Variants in TRMT13 observed in about 807,000 individuals in gnomAD.
TRMT13 encodes the protein tRNA methyltransferase 13, also known as tRNA:m(4)X modification enzyme TRM13 homolog.
TRMT13 carries 45 observed loss-of-function variants against 55.9 expected under a neutral mutation model. That is an observed-to-expected ratio of 0.80 (90% CI 0.63 to 1.03). TRMT13 has a LOEUF of 1.03. Ranked by LOEUF, TRMT13 falls within the 50% of genes least tolerant of loss-of-function variation. The pLI, the probability that TRMT13 is intolerant of heterozygous loss-of-function variation, is 0.00. For synonymous variants in TRMT13, 183 were observed against 196.3 expected (o/e 0.93, Z 0.57); for missense variants, 513 against 563.9 (o/e 0.91, Z 0.91).
chr1:100,147,956 C>T lies in TRMT13; in HGVS notation c.880C>T (p.Pro294Ser), dbSNP rs750739112. Reference protein sequence around the residue: ...AASFEERNEEPLAKRIKNDKT... With the variant: ...AASFEERNEESLAKRIKNDKT... Reference sequence around the variant, plus strand: ...CAGTTTTGAGGAAAGGAATGAAGAACCTTTAGCCAAACGCATAAAGAATGA... The same window carrying T: ...CAGTTTTGAGGAAAGGAATGAAGAATCTTTAGCCAAACGCATAAAGAATGA... The change falls in exon 10 of 11, where the codon CCT becomes TCT. Residue 294 changes from proline (P) to serine (S), a missense_variant. Transcript: ENST00000370141. The T allele has an allele frequency of 1.1e-5, 17 of 1,613,564 alleles. No individual in the cohort carries two copies. The highest frequency in any genetic ancestry group is 1.4e-5 in the Non-Finnish European group (16 of 1,179,926).
intron 9 of TRMT13, 76 bp from the exon 10 acceptor site, chr1:100,147,818 A>T: frequency 7.3e-7 from 1 of 1,376,728 alleles, no homozygotes; most frequent in Non-Finnish European, 9.7e-7. Flanking sequence ...TAAAAACAGT[A>T]CTGCTTAATA....
At position 100,136,922 on chromosome 1, in the gene TRMT13, C is replaced by T. The variant is rs1347737285; in HGVS notation, c.188C>T (p.Pro63Leu). The T allele has an allele frequency of 1.2e-6, 2 of 1,601,586 alleles. No homozygotes were observed. Among genetic ancestry groups the T allele is most frequent in the African/African-American group, 2.7e-5 (2 of 74,042 alleles). Residue 63 changes from proline to leucine, a missense_variant, in exon 2 of 11, where the codon CCA becomes CTA. Pro to Leu is a moderately conservative substitution (Grantham distance 98). Around this residue, in one of 3 missense-constraint regions of TRMT13, gnomAD observed 298 missense variants for 290.3 expected, o/e 1.03. Coordinates refer to ENST00000370141, the MANE Select transcript of TRMT13 (RefSeq NM_019083.3). ...ARKRILCPLD[P>L]KHTVYEDQLA... ...AAAAGAATCCTGTGTCCTTTAGATCCAAAACAGTAAGTGTGGATCAGATAC... is the reference window on the plus strand; with the variant it reads ...AAAAGAATCCTGTGTCCTTTAGATCTAAAACAGTAAGTGTGGATCAGATAC...
chr1:100,147,309 C>T (rs1044717766), intron 9 of TRMT13, among the ~76,000 whole-genome samples: 1 of 152,206 alleles, frequency 6.6e-6, no homozygotes, highest in Admixed American at 6.5e-5. Flanking sequence ...GAAAGGCATT[C>T]AGTAAATGTT....
chr1:100,140,592 A>C, intron 6 of TRMT13, 78 bp downstream of exon 6: 1 of 1,151,702 alleles, frequency 8.7e-7, no homozygotes. Flanking sequence ...ATTATTAATA[A>C]GATTTTATTT....
chr1:100,136,804 A>G (rs1655933472), intron 1 of TRMT13, 78 bp from the exon 2 acceptor site: 1 of 1,277,544 alleles, frequency 7.8e-7, no homozygotes, highest in African/African-American at 1.5e-5. Context: ...GATTACAGAG[A>G]CACTGAAGTT....
chr1:100,144,045 A>T (rs1396328878), intron 8 of TRMT13, 24 bp from the exon 9 acceptor site: 2 of 1,578,042 alleles, frequency 1.3e-6, no homozygotes, highest in South Asian at 2.2e-5. Flanking sequence ...TTCACTAGAC[A>T]GTTAATTCTC....
At chr1:100,133,365 C>G in intron 1 of TRMT13, 50 bp downstream of exon 1, 1 of 1,578,342 alleles carries the variant, frequency 6.3e-7, no homozygotes. Context: ...TATCCTGGTC[C>G]TGTCGGTGCT....
intron 9 of TRMT13, among the ~76,000 whole-genome samples, chr1:100,146,339 A>G (rs940630417): frequency 3.9e-5 from 6 of 152,204 alleles, no homozygotes; most frequent in East Asian, 3.8e-4. Flanking sequence ...GATGCTTGCT[A>G]TATAACAGGA....
Position 100,149,655 on chromosome 1 carries a change from T to C in TRMT13, c.*835T>C. 1 of 370,988 alleles carries C rather than the reference T, an allele frequency of 2.7e-6. No individual in the cohort carries two copies. Among genetic ancestry groups the C allele is most frequent in the Admixed American group, 4.9e-5 (1 of 20,386 alleles). 23.0% of individuals were successfully genotyped at this position (370,988 alleles called of 1,614,324 possible). A position where few individuals can be genotyped will look rare whatever the true frequency, so the allele number is the denominator to read the frequency against. ...TTTGGGAAAATAATTTGGAATAAAA[T>C]AGAAATTAGATAATGAAACCAAAAA... On this transcript the variant is annotated 3_prime_UTR_variant, in exon 11 of 11. Coordinates refer to ENST00000370141, the MANE Select transcript of TRMT13 (RefSeq NM_019083.3).
intron 7 of TRMT13, among the ~76,000 whole-genome samples, chr1:100,141,881 C>G (rs1460996458): frequency 6.6e-6 from 1 of 152,060 alleles, no homozygotes; most frequent in Non-Finnish European, 1.5e-5. Flanking sequence ...ACAGTGTAAC[C>G]AAATACCTGA....
chr1:100,142,777 C>G, intron 7 of TRMT13: 2 of 232,878 alleles, frequency 8.6e-6, no homozygotes, highest in Non-Finnish European at 1.7e-5. Context: ...TGGTTGTGAT[C>G]TTTCAGGAGA....
At position 100,149,872 on chromosome 1, in the gene TRMT13, ATAT is replaced by A. The variant is rs1338513779; in HGVS notation, c.*1056_*1058del. ...AAAGGTTCAGAATTACTAATTTTAG[ATAT>A]TATGATATTCTGAAATAACTATTTT... On this transcript the variant is annotated 3_prime_UTR_variant, in exon 11 of 11. Coordinates refer to ENST00000370141, the MANE Select transcript of TRMT13 (RefSeq NM_019083.3). 6.5e-6 allele frequency: 1 copy of A among 154,168 alleles called. No homozygotes were observed. The highest frequency in any genetic ancestry group is 2.4e-5 in the African/African-American group (1 of 41,464). The allele number at this position is 154,168 out of a possible 1,614,324, so 9.6% of individuals were successfully genotyped here.
intron 7 of TRMT13, 119 bp from the exon 8 acceptor site, chr1:100,143,018 T>C: frequency 1.6e-6 from 1 of 636,224 alleles, no homozygotes; most frequent in East Asian, 2.9e-5. Context: ...ATGTACAATC[T>C]TAATTTTTAA....
At chr1:100,133,965 G>A (rs944873879) in intron 1 of TRMT13, among the ~76,000 whole-genome samples, 1 of 152,006 alleles carries the variant, frequency 6.6e-6, no homozygotes, top group Non-Finnish European at 1.5e-5. Flanking sequence ...CCAGCTACTC[G>A]GGAGGCTGAG....
At chr1:100,144,735 A>G (rs1657020238) in intron 9 of TRMT13, among the ~76,000 whole-genome samples, 1 of 152,192 alleles carries the variant, frequency 6.6e-6, no homozygotes, top group Admixed American at 6.5e-5. Context: ...CCTCATCTAT[A>G]AAACAGAGAT....
chr1:100,141,104 A>T (rs1656568599), intron 7 of TRMT13, 85 bp downstream of exon 7: 3 of 1,243,338 alleles, frequency 2.4e-6, no homozygotes, highest in Admixed American at 4.9e-5. Context: ...AACATTTCTT[A>T]AAAGAAAGGA....
In TRMT13 at chr1:100,144,138, C is replaced by T. The variant is rs1255385035; in HGVS notation, c.812C>T (p.Ala271Val). The change falls in exon 9 of 11, where the codon GCA becomes GTA. Residue 271 changes from alanine (A) to valine (V), a missense_variant. Around this residue, in one of 3 missense-constraint regions of TRMT13, gnomAD observed 209 missense variants for 255.8 expected, o/e 0.82. Coordinates refer to ENST00000370141, the MANE Select transcript of TRMT13 (RefSeq NM_019083.3). ...ATTGGAAAGCATCTGTGTGGTATGG[C>T]AACAGGTACGTAAACATACTGATAA... ...VGIGKHLCGMATDLALRCLVE... is the reference protein window; with the variant it reads ...VGIGKHLCGMVTDLALRCLVE... The T allele has an allele frequency of 1.2e-6, 2 of 1,612,698 alleles. No individual in the cohort carries two copies. Among genetic ancestry groups the T allele is most frequent in the Non-Finnish European group, 1.7e-6 (2 of 1,178,892 alleles).
rs1655245974 is a variant in TRMT13, at chr1:100,133,173, C to T, written c.5C>T (p.Ala2Val). The T allele has an allele frequency of 1.2e-6, 2 of 1,613,884 alleles. No individual in the cohort carries two copies. Among genetic ancestry groups the T allele is most frequent in the Admixed American group, 1.7e-5 (1 of 59,970 alleles). ...CCGGAAGCGAGCCCTAGAATTATGG[C>T]GACCTCCGCGACGTCGCCGCACGCG... M[A>V]TSATSPHAPG... The change falls in exon 1 of 11, where the codon GCG becomes GTG. Residue 2 changes from alanine to valine, a missense_variant. Coordinates refer to ENST00000370141, the MANE Select transcript of TRMT13 (RefSeq NM_019083.3).
chr1:100,133,187 T>A lies in TRMT13; in HGVS notation c.19T>A (p.Ser7Thr), dbSNP rs200601638. 6.3e-5 allele frequency: 101 copies of A among 1,614,148 alleles called. 1 individual carries two copies. The highest frequency in any genetic ancestry group is 8.3e-5 in the Non-Finnish European group (98 of 1,180,030). Residue 7 changes from serine to threonine, a missense_variant, in exon 1 of 11, where the codon TCG (serine) becomes ACG (threonine). Transcript: ENST00000370141. MATSAT[S>T]PHAPGFPAEG... ...TAGAATTATGGCGACCTCCGCGACG[T>A]CGCCGCACGCGCCTGGTTTTCCAGC...
Sources: gnomAD v4.1 joint callset for allele counts (sites outside exome capture counted in the v4.1 genomes callset) on GRCh38, gnomAD v4.1.1 for gene constraint, gnomAD v4.1.1 regional missense constraint, MANE v1.5 for transcripts, NCBI Gene and HGNC (gene_info 2026-07-23, HGNC 2026-07-21) for gene names.